Variants in PRKCB observed in about 807,000 individuals in gnomAD.
PRKCB encodes the protein protein kinase C beta type.
A neutral mutation model predicts 81.5 loss-of-function variants in PRKCB; 13 were observed. The observed-to-expected ratio is 0.16, with a 90% confidence interval of 0.10 to 0.25. The LOEUF (loss-of-function observed/expected upper bound fraction) is 0.25. Ranked by LOEUF, PRKCB falls within the 10% of genes least tolerant of loss-of-function variation. The pLI, the probability that PRKCB is intolerant of heterozygous loss-of-function variation, is 1.00. For missense variants in PRKCB, 509 were observed against 875.7 expected (o/e 0.58, Z 5.29); for synonymous variants, 335 against 321.4 (o/e 1.04, Z -0.45).
intron 3 of PRKCB, among the ~76,000 whole-genome samples, chr16:24,009,288 G>A (rs567092858): frequency 6.6e-4 from 101 of 152,274 alleles, no homozygotes; most frequent in Non-Finnish European, 1.3e-3. Flanking sequence ...CTAAGGACTT[G>A]AATAGGCAGT....
intron 2 of PRKCB, among the ~76,000 whole-genome samples, chr16:23,889,245 C>A (rs1963253782): frequency 6.6e-6 from 1 of 152,114 alleles, no homozygotes; most frequent in African/African-American, 2.4e-5. Context: ...GTTTGAATCC[C>A]AGCTCTGCCA....
intron 16 of PRKCB, among the ~76,000 whole-genome samples, chr16:24,192,070 CCA>C (rs1430024397): frequency 6.6e-6 from 1 of 152,176 alleles, no homozygotes; most frequent in East Asian, 1.9e-4. Context: ...AACATAAACA[CCA>C]TCATTGAAAC....
chr16:24,157,036 A>T lies in PRKCB; in HGVS notation c.1239+2179A>T, dbSNP rs533162926. 9.9e-5 allele frequency among the ~76,000 whole-genome samples: 15 copies of T among 152,276 alleles called. No homozygotes were observed. The South Asian group carries it at 3.1e-3, about 32-fold the overall frequency. On this transcript the variant is annotated intron_variant, in intron 10 of 16. Coordinates refer to ENST00000643927, the MANE Select transcript of PRKCB (RefSeq NM_002738.7). ...TAGTGTCTTTGTGGTTTATTATTTTAAAAATGATTAAATAGAGTAGATTTG... is the reference window on the plus strand; with the variant it reads ...TAGTGTCTTTGTGGTTTATTATTTTTAAAATGATTAAATAGAGTAGATTTG...
At chr16:23,973,934 G>T (rs1185467232) in intron 2 of PRKCB, among the ~76,000 whole-genome samples, 1 of 152,224 alleles carries the variant, frequency 6.6e-6, no homozygotes, top group East Asian at 1.9e-4. Flanking sequence ...GCCTCCCAAA[G>T]TGCTGGGATT....
intron 3 of PRKCB, 103 bp downstream of exon 3, chr16:23,988,693 C>G (rs1964833494): frequency 2.7e-6 from 3 of 1,109,960 alleles, no homozygotes; most frequent in Non-Finnish European, 4.0e-6. Flanking sequence ...GACGATCTCA[C>G]TCTAAGGCAT....
chr16:24,074,334 C>A (rs1011425124), intron 5 of PRKCB, among the ~76,000 whole-genome samples: 2 of 152,122 alleles, frequency 1.3e-5, no homozygotes, highest in Non-Finnish European at 2.9e-5. Flanking sequence ...GGGTTCAAAT[C>A]CCGCTCTACT....
chr16:24,066,282 A>C (rs1214444078), intron 5 of PRKCB, among the ~76,000 whole-genome samples: 2 of 151,666 alleles, frequency 1.3e-5, no homozygotes, highest in Non-Finnish European at 2.9e-5. Flanking sequence ...TGTCTCTGAC[A>C]CTCTCTTCTG....
chr16:24,072,005 T>C (rs897999270), intron 5 of PRKCB, among the ~76,000 whole-genome samples: 2 of 152,074 alleles, frequency 1.3e-5, no homozygotes, highest in African/African-American at 2.4e-5. Flanking sequence ...TATGGGCTGA[T>C]TGCAATTTGG....
At chr16:23,987,183 T>C (rs1396364314) in intron 2 of PRKCB, among the ~76,000 whole-genome samples, 1 of 152,204 alleles carries the variant, frequency 6.6e-6, no homozygotes, top group Non-Finnish European at 1.5e-5. Flanking sequence ...CCATGGCACA[T>C]GTATACCTGT....
chr16:23,915,239 C>A (rs544146321), intron 2 of PRKCB, among the ~76,000 whole-genome samples: 15 of 152,168 alleles, frequency 9.9e-5, no homozygotes, highest in Non-Finnish European at 2.1e-4. Flanking sequence ...TACAGCCCTG[C>A]CTTTTAAAAC....
chr16:24,105,151 G>A (rs1966559161), intron 7 of PRKCB, among the ~76,000 whole-genome samples: 1 of 151,850 alleles, frequency 6.6e-6, no homozygotes, highest in African/African-American at 2.4e-5. Context: ...CTGCCTCCTG[G>A]ATTCAAGTGA....
chr16:23,857,599 G>A (rs1301132437), intron 2 of PRKCB, among the ~76,000 whole-genome samples: 1 of 152,124 alleles, frequency 6.6e-6, no homozygotes, highest in Non-Finnish European at 1.5e-5. Context: ...TCTGATTTGG[G>A]GCCCAAGGGC....
intron 7 of PRKCB, among the ~76,000 whole-genome samples, chr16:24,111,716 T>G (rs1256324652): frequency 3.3e-5 from 5 of 152,074 alleles, no homozygotes; most frequent in Non-Finnish European, 5.9e-5. Flanking sequence ...GAGGATTGTT[T>G]GAGCCCAGGA....
At chr16:24,200,069 G>A (rs1967935323) in intron 16 of PRKCB, among the ~76,000 whole-genome samples, 1 of 152,146 alleles carries the variant, frequency 6.6e-6, no homozygotes, top group Non-Finnish European at 1.5e-5. Flanking sequence ...ATAATTCGTT[G>A]TCAGGATTTT....
chr16:23,908,104 G>C (rs1425163167), intron 2 of PRKCB, among the ~76,000 whole-genome samples: 1 of 152,100 alleles, frequency 6.6e-6, no homozygotes, highest in Non-Finnish European at 1.5e-5. Flanking sequence ...AGAGGAGAGG[G>C]AAGTGGGTGG....
At chr16:23,934,537 G>A (rs1013634073) in intron 2 of PRKCB, among the ~76,000 whole-genome samples, 3 of 152,112 alleles carry the variant, frequency 2.0e-5, no homozygotes, top group South Asian at 2.1e-4. Context: ...TTTATTTTTT[G>A]ATTCTTAGGA....
intron 2 of PRKCB, among the ~76,000 whole-genome samples, chr16:23,957,824 A>C (rs968950269): frequency 6.6e-6 from 1 of 152,114 alleles, no homozygotes; most frequent in East Asian, 1.9e-4. Context: ...AGGGATTGCA[A>C]ATCGTTAAGG....
chr16:24,059,862 T>G (rs1393586406), intron 5 of PRKCB, among the ~76,000 whole-genome samples: 4 of 152,146 alleles, frequency 2.6e-5, no homozygotes, highest in Non-Finnish European at 5.9e-5. Context: ...TTTGGTCATT[T>G]AACTTAGGGA....
rs1406204037 is a variant in PRKCB, at chr16:24,096,666, A to AAATATATATAT, written c.821+2370_821+2371insATATATATATA. On this transcript the variant is annotated intron_variant, in intron 7 of 16. Transcript: ENST00000643927. ...CCTTCCTATGGCAAAAAAAAAAAAA[A>AAATATATATAT]ATATATATATATATATATATATATA... is the stretch of plus-strand genomic sequence containing the variant. Among the ~76,000 whole-genome samples the AAATATATATAT allele has an allele frequency of 2.8e-4, 9 of 32,686 alleles. No individual in the cohort carries two copies. The East Asian group carries it at 3.5e-3, about 13-fold the overall frequency. 21.4% of individuals were successfully genotyped at this position (32,686 alleles called of 152,430 possible). A position where few individuals can be genotyped will look rare whatever the true frequency, so the allele number is the denominator to read the frequency against.
Sources: allele counts gnomAD v4.1 joint callset (sites outside exome capture counted in the v4.1 genomes callset), GRCh38; gene constraint gnomAD v4.1.1; transcripts MANE v1.5; gene names NCBI Gene and HGNC (gene_info 2026-07-23, HGNC 2026-07-21).